ABAT: variants seen among roughly 807,000 people sequenced by gnomAD.
ABAT encodes 4-aminobutyrate aminotransferase, mitochondrial.
ABAT carries 45 observed loss-of-function variants against 64.6 expected under a neutral mutation model. That is an observed-to-expected ratio of 0.70 (90% confidence interval 0.55 to 0.89). The LOEUF is 0.89. Ranked by LOEUF, ABAT falls within the 40% of genes least tolerant of loss-of-function variation. The probability of loss-of-function intolerance (pLI) is 0.00; values close to 1 mark genes in which losing one functional copy is unlikely to be tolerated. For synonymous variants in ABAT, 297 were observed against 250.5 expected (o/e 1.19, Z -1.75); for missense variants, 633 against 658.4 (o/e 0.96, Z 0.42).
At chr16:8,736,575 G>C in intron 2 of ABAT, 1 of 152,284 alleles carries the variant, frequency 6.6e-6, no homozygotes, top group East Asian at 1.9e-4. Context: ...TGTGCTTCAG[G>C]GTCACTGGAT....
chr16:8,776,276 C>CT lies in ABAT; in HGVS notation c.1123-67dup. ...CTCTTCAAGAGAGGAGGCGGGGCGC[C>CT]TGGGGTAAGTGACTCCTGCAGGGTG... On this transcript the variant is annotated intron_variant, in intron 13 of 15. Coordinates refer to ENST00000268251, the MANE Select transcript of ABAT (RefSeq NM_020686.6). The surrounding 1 kb of genome is among the most constrained non-coding windows in gnomAD (Gnocchi z 4.4). 1.2e-6 allele frequency: 2 copies of CT among 1,611,092 alleles called. No individual in the cohort carries two copies. Among genetic ancestry groups the CT allele is most frequent in the Non-Finnish European group, 1.7e-6 (2 of 1,178,640 alleles).
chr16:8,707,866 G>A (rs1228666627), intron 1 of ABAT, among the ~76,000 whole-genome samples: 6 of 152,120 alleles, frequency 3.9e-5, no homozygotes, highest in East Asian at 1.9e-4. Context: ...CACTGCACCC[G>A]GCCAGGAGTT....
In ABAT at chr16:8,716,400, G is replaced by T. The variant is rs138196574; in HGVS notation, c.-41-19299G>T. 1.5e-3 allele frequency among the ~76,000 whole-genome samples: 235 copies of T among 152,284 alleles called. 1 individual carries two copies. Among genetic ancestry groups the T allele is most frequent in the African/African-American group, 5.4e-3 (226 of 41,558 alleles). On this transcript the variant is annotated intron_variant, in intron 1 of 15. Coordinates refer to ENST00000268251, the MANE Select transcript of ABAT (RefSeq NM_020686.6). ...CAGGGTTTGGCCTAAAGTAAGCGCT[G>T]AGCAAGTGTCTGCTGTTGCTGCTGC...
intron 2 of ABAT, among the ~76,000 whole-genome samples, chr16:8,740,212 G>C (rs538206156): frequency 6.6e-6 from 1 of 152,192 alleles, no homozygotes; most frequent in African/African-American, 2.4e-5. Context: ...CCACTGTATT[G>C]ATTATCTGCC....
At chr16:8,705,180 C>T (rs932375632) in intron 1 of ABAT, among the ~76,000 whole-genome samples, 9 of 152,130 alleles carry the variant, frequency 5.9e-5, no homozygotes, top group African/African-American at 2.2e-4. Context: ...CACAGTTCCA[C>T]ATGGCTGGGA....
rs60149541 is a variant in ABAT, at chr16:8,780,763, TAAAAA to T, written c.1382-532_1382-528del. ...GGGTGACAGCGCGAGACTCCATCTCTAAAAAAAAAAAAAAAAAAGGCATAAACAAC... is the reference window on the plus strand; with the variant it reads ...GGGTGACAGCGCGAGACTCCATCTCTAAAAAAAAAAAAAGGCATAAACAAC... On this transcript the variant is annotated intron_variant, in intron 15 of 15. Coordinates refer to ENST00000268251, the MANE Select transcript of ABAT (RefSeq NM_020686.6). 7.0e-4 allele frequency: 96 copies of T among 137,438 alleles called. 1 individual carries two copies. Among genetic ancestry groups the T allele is most frequent in the South Asian group, 1.0e-3 (7 of 6,758 alleles). The allele number at this position is 137,438 out of a possible 1,614,324, so 8.5% of individuals were successfully genotyped here.
Position 8,781,186 on chromosome 16 carries a change from G to C in ABAT, c.1382-123G>C. The C allele has an allele frequency of 6.9e-7, 1 of 1,448,162 alleles. No homozygotes were observed. Among genetic ancestry groups the C allele is most frequent in the Non-Finnish European group, 9.5e-7 (1 of 1,052,914 alleles). 89.7% of individuals were successfully genotyped at this position (1,448,162 alleles called of 1,614,324 possible). A position where few individuals can be genotyped will look rare whatever the true frequency, so the allele number is the denominator to read the frequency against. On this transcript the variant is annotated intron_variant, in intron 15 of 15. Transcript: ENST00000268251. The surrounding 1 kb of genome is among the most constrained non-coding windows in gnomAD (Gnocchi z 4.5). The stretch of plus-strand genomic sequence containing the variant: ...AGGAAGCCCGGGCTTCCATGATGGA[G>C]GATGATGGATGGATGGATGGATGGA...
chr16:8,738,600 TTTTG>T (rs2059056064), intron 2 of ABAT: 1 of 345,796 alleles, frequency 2.9e-6, no homozygotes, highest in South Asian at 2.3e-5. Context: ...CTTTTTTCTT[TTTTG>T]TTTTTGTTTT....
At chr16:8,709,589 G>C (rs2058025171) in intron 1 of ABAT, among the ~76,000 whole-genome samples, 1 of 152,078 alleles carries the variant, frequency 6.6e-6, no homozygotes, top group Non-Finnish European at 1.5e-5. Flanking sequence ...GGCCAAGCTG[G>C]TCTCGAACCC....
intron 2 of ABAT, among the ~76,000 whole-genome samples, chr16:8,740,051 T>TA: frequency 6.6e-6 from 1 of 152,116 alleles, no homozygotes; most frequent in South Asian, 2.1e-4. Context: ...TGATAGGAAT[T>TA]ACAGCTTACT....
At chr16:8,680,240 A>G (rs1216110665) in intron 1 of ABAT, among the ~76,000 whole-genome samples, 2 of 152,056 alleles carry the variant, frequency 1.3e-5, no homozygotes, top group African/African-American at 4.8e-5. Flanking sequence ...TTTCTTCCCA[A>G]TCCATAATTG....
intron 13 of ABAT, among the ~76,000 whole-genome samples, chr16:8,775,536 C>T (rs1314582162): frequency 6.9e-6 from 1 of 145,656 alleles, no homozygotes; most frequent in Admixed American, 7.2e-5. Flanking sequence ...ACCCACTACA[C>T]TGTGTACTGC....
At chr16:8,688,616 A>G (rs2057510783) in intron 1 of ABAT, among the ~76,000 whole-genome samples, 1 of 152,144 alleles carries the variant, frequency 6.6e-6, no homozygotes, top group Non-Finnish European at 1.5e-5. Context: ...CCTTTGCCTC[A>G]TTAGAGGCAA....
chr16:8,681,713 C>G (rs577820639), intron 1 of ABAT, among the ~76,000 whole-genome samples: 1 of 150,194 alleles, frequency 6.7e-6, no homozygotes, highest in Non-Finnish European at 1.5e-5. Context: ...GCAATCTCAG[C>G]TCACTGCAAC....
rs1447914550 is a variant in ABAT, at chr16:8,740,666, C to T, written c.70+4857C>T. Among the ~76,000 whole-genome samples the T allele has an allele frequency of 3.9e-5, 6 of 152,316 alleles. No individual in the cohort carries two copies. The East Asian group carries it at 5.8e-4, about 15-fold the overall frequency. ...AGGCCATTAAAGTGACGATAGTTAACGATCTGACATGGTGTTCCCAATGGC... is the reference window on the plus strand; with the variant it reads ...AGGCCATTAAAGTGACGATAGTTAATGATCTGACATGGTGTTCCCAATGGC... On this transcript the variant is annotated intron_variant, in intron 2 of 15. Coordinates refer to ENST00000268251, the MANE Select transcript of ABAT (RefSeq NM_020686.6).
At chr16:8,715,846 G>T (rs2058202570) in intron 1 of ABAT, among the ~76,000 whole-genome samples, 1 of 152,078 alleles carries the variant, frequency 6.6e-6, no homozygotes, top group Non-Finnish European at 1.5e-5. Context: ...CTGAGGTTAT[G>T]TAAGAGAACA....
intron 12 of ABAT, 126 bp downstream of exon 12, chr16:8,773,043 G>C: frequency 7.5e-7 from 1 of 1,334,408 alleles, no homozygotes; most frequent in Non-Finnish European, 1.1e-6. Flanking sequence ...GAGGCTGTCT[G>C]TCAGCATCAG....
chr16:8,728,068 C>CAG (rs112812315), intron 1 of ABAT, among the ~76,000 whole-genome samples: 35 of 150,580 alleles, frequency 2.3e-4, no homozygotes, highest in South Asian at 8.4e-4. Flanking sequence ...GAGACCCTGT[C>CAG]AGAGAGAGAG....
intron 6 of ABAT, among the ~76,000 whole-genome samples, chr16:8,762,041 C>A (rs1175530983): frequency 6.6e-6 from 1 of 151,880 alleles, no homozygotes; most frequent in Non-Finnish European, 1.5e-5. Context: ...CTCTGTCACC[C>A]AGGCTAGAGT....
Sources: gnomAD v4.1 joint callset for allele counts (sites outside exome capture counted in the v4.1 genomes callset) on GRCh38, gnomAD v4.1.1 for gene constraint, Gnocchi (gnomAD v3.1) non-coding constraint, MANE v1.5 for transcripts, NCBI Gene and HGNC (gene_info 2026-07-23, HGNC 2026-07-21) for gene names.